USP15: variants seen among roughly 807,000 people sequenced by gnomAD.
USP15 encodes ubiquitin specific peptidase 15.
Under a neutral mutation model 127.1 loss-of-function variants are expected in USP15, and 18 were observed. That is an observed-to-expected ratio of 0.14 (90% confidence interval 0.10 to 0.21). USP15 has a LOEUF of 0.21. Ranked by LOEUF, USP15 falls within the 10% of genes least tolerant of loss-of-function variation. USP15 has a pLI of 1.00. For synonymous variants in USP15, 364 were observed against 393.7 expected (o/e 0.92, Z 0.89); for missense variants, 805 against 1,159.9 (o/e 0.69, Z 4.44).
chr12:62,306,849 A>G (rs1417542491), intron 3 of USP15, among the ~76,000 whole-genome samples: 1 of 152,154 alleles, frequency 6.6e-6, no homozygotes, highest in Non-Finnish European at 1.5e-5. Flanking sequence ...TTACCTCAGA[A>G]AAATCAAAGG....
intron 4 of USP15, among the ~76,000 whole-genome samples, chr12:62,317,697 T>C (rs2064871597): frequency 6.6e-6 from 1 of 152,172 alleles, no homozygotes; most frequent in Non-Finnish European, 1.5e-5. Flanking sequence ...ATTTAGGAAA[T>C]ATAAGTGTCT....
intron 8 of USP15, among the ~76,000 whole-genome samples, chr12:62,366,755 A>G (rs570331334): frequency 6.6e-6 from 1 of 152,300 alleles, no homozygotes; most frequent in Admixed American, 6.5e-5. Flanking sequence ...AGTTTTTAGC[A>G]TGAAAGGGTG....
chr12:62,266,216 A>G (rs777461254), intron 1 of USP15, among the ~76,000 whole-genome samples: 27 of 152,190 alleles, frequency 1.8e-4, no homozygotes, highest in Non-Finnish European at 3.5e-4. Context: ...GCCCCTTCAC[A>G]TATAGTTTTA....
intron 11 of USP15, among the ~76,000 whole-genome samples, chr12:62,385,816 C>T (rs1263757125): frequency 1.3e-5 from 2 of 151,986 alleles, no homozygotes; most frequent in Admixed American, 1.3e-4. Context: ...TGCAGATATA[C>T]ACCAATGAGT....
At chr12:62,351,420 C>T (rs899390078) in intron 7 of USP15, among the ~76,000 whole-genome samples, 18 of 150,752 alleles carry the variant, frequency 1.2e-4, no homozygotes, top group African/African-American at 4.4e-4. Flanking sequence ...TTGCAGATGG[C>T]TCTCATACTT....
Position 62,355,495 on chromosome 12 carries a change from A to G in USP15, c.915+20A>G, listed in dbSNP as rs372057580. On this transcript the variant is annotated intron_variant, in intron 8 of 21. Coordinates refer to ENST00000280377, the MANE Select transcript of USP15 (RefSeq NM_001252078.2). ...ATTCAGGTAGGTCTTTGTAAACAAA[A>G]TGAAACTCATGTTTCATGGAAATCT... 2 of 1,569,918 alleles carry G rather than the reference A, an allele frequency of 1.3e-6. No individual in the cohort carries two copies. Among genetic ancestry groups the G allele is most frequent in the African/African-American group, 1.4e-5 (1 of 72,600 alleles).
chr12:62,348,525 A>G (rs1414690183), intron 6 of USP15, among the ~76,000 whole-genome samples: 2 of 152,214 alleles, frequency 1.3e-5, no homozygotes, highest in Non-Finnish European at 2.9e-5. Flanking sequence ...ACATGTTTAC[A>G]AAATTACAAG....
In USP15 at chr12:62,349,144, A is replaced by G. The variant is rs924848845; in HGVS notation, c.684-77A>G. The G allele has an allele frequency of 2.2e-5, 19 of 858,174 alleles. No homozygotes were observed. In the African/African-American group the frequency reaches 3.0e-4, roughly 13 times the overall value. 53.2% of individuals were successfully genotyped at this position (858,174 alleles called of 1,614,324 possible). A position where few individuals can be genotyped will look rare whatever the true frequency, so the allele number is the denominator to read the frequency against. On this transcript the variant is annotated intron_variant, in intron 6 of 21. Coordinates refer to ENST00000280377, the MANE Select transcript of USP15 (RefSeq NM_001252078.2). The stretch of plus-strand genomic sequence containing the variant: ...GCATTCATTTACTACAAACATTGTC[A>G]TCTGTTCTTTTATTTCATAATTAAT...
chr12:62,412,109 A>C lies in USP15; in HGVS notation c.*7734A>C, dbSNP rs2137716806. On this transcript the variant is annotated 3_prime_UTR_variant, in exon 22 of 22. Transcript: ENST00000280377. Reference sequence around the variant, plus strand: ...AAATATTTAAATAAAGTGAGTCACAAATTTTTTGGTTTCCCAGTGCATATA... The same window carrying C: ...AAATATTTAAATAAAGTGAGTCACACATTTTTTGGTTTCCCAGTGCATATA... 6.6e-6 allele frequency: 1 copy of C among 152,254 alleles called. No homozygotes were observed. Among genetic ancestry groups the C allele is most frequent in the South Asian group, 2.1e-4 (1 of 4,824 alleles). The allele number at this position is 152,254 out of a possible 1,614,324, so 9.4% of individuals were successfully genotyped here. A position where few individuals can be genotyped will look rare whatever the true frequency, so the allele number is the denominator to read the frequency against.
intron 8 of USP15, among the ~76,000 whole-genome samples, chr12:62,376,843 T>TA (rs1041214166): frequency 9.2e-5 from 14 of 152,270 alleles, no homozygotes; most frequent in African/African-American, 3.4e-4. Context: ...TAAAGTGTCT[T>TA]ACAGGATAAA....
intron 1 of USP15, among the ~76,000 whole-genome samples, chr12:62,271,552 T>C (rs1050533241): frequency 6.6e-5 from 10 of 152,060 alleles, no homozygotes; most frequent in Admixed American, 6.5e-4. Context: ...TTTTTCTTAG[T>C]TTTTTCTGTT....
At chr12:62,347,178 A>G (rs1308723921) in intron 6 of USP15, among the ~76,000 whole-genome samples, 2 of 152,090 alleles carry the variant, frequency 1.3e-5, no homozygotes, top group Non-Finnish European at 2.9e-5. Context: ...AATGAACTCC[A>G]TAAAAACTGA....
At position 62,393,968 on chromosome 12, in the gene USP15, T is replaced by TATTGC. The variant is rs2067402690; in HGVS notation, c.2570+770_2570+774dup. On this transcript the variant is annotated intron_variant, in intron 19 of 21. Coordinates refer to ENST00000280377, the MANE Select transcript of USP15 (RefSeq NM_001252078.2). ...ACACAGTAGTGAAATAAATCATCCCTATTGCATTATCCTTCAGTTTTCCTA... is the reference window on the plus strand; with the variant it reads ...ACACAGTAGTGAAATAAATCATCCCTATTGCATTGCATTATCCTTCAGTTTTCCTA... 3.9e-5 allele frequency: 6 copies of TATTGC among 152,232 alleles called. No homozygotes were observed. The South Asian group carries it at 1.2e-3, about 32-fold the overall frequency. 9.4% of individuals were successfully genotyped at this position (152,232 alleles called of 1,614,324 possible). A position where few individuals can be genotyped will look rare whatever the true frequency, so the allele number is the denominator to read the frequency against.
At chr12:62,349,397 G>A (rs2065906221) in intron 7 of USP15, 90 bp downstream of exon 7, 1 of 779,404 alleles carries the variant, frequency 1.3e-6, no homozygotes, top group East Asian at 3.3e-5. Context: ...TAGGATAAAA[G>A]TCTTAATGCA....
At position 62,403,427 on chromosome 12, in the gene USP15, C is replaced by T. The variant is rs186498576; in HGVS notation, c.2764-766C>T. ...GTTGATAGGAAAAGAAATAGTGAAGCATTAAATGCTACTGAGAGATTGACC... is the reference window on the plus strand; with the variant it reads ...GTTGATAGGAAAAGAAATAGTGAAGTATTAAATGCTACTGAGAGATTGACC... On this transcript the variant is annotated intron_variant, in intron 21 of 21. Coordinates refer to ENST00000280377, the MANE Select transcript of USP15 (RefSeq NM_001252078.2). Among the ~76,000 whole-genome samples the T allele has an allele frequency of 2.1e-4, 32 of 152,154 alleles. No homozygotes were observed. In the East Asian group the frequency reaches 5.6e-3, roughly 27 times the overall value.
At chr12:62,370,469 T>C (rs992846175) in intron 8 of USP15, among the ~76,000 whole-genome samples, 4 of 152,182 alleles carry the variant, frequency 2.6e-5, no homozygotes, top group African/African-American at 9.7e-5. Context: ...ACTGCCTGTA[T>C]TCAAATCCTA....
At chr12:62,382,917 G>C (rs1380102155) in intron 9 of USP15, among the ~76,000 whole-genome samples, 1 of 151,714 alleles carries the variant, frequency 6.6e-6, no homozygotes, top group East Asian at 1.9e-4. Context: ...GGAGGCAATA[G>C]GAATACCTAA....
At position 62,303,110 on chromosome 12, in the gene USP15, A is replaced by G. The variant is rs980220823; in HGVS notation, c.348+190A>G. 1.5e-5 allele frequency: 8 copies of G among 528,212 alleles called. No individual in the cohort carries two copies. The African/African-American group carries it at 1.5e-4, about 10-fold the overall frequency. 32.7% of individuals were successfully genotyped at this position (528,212 alleles called of 1,614,324 possible). On this transcript the variant is annotated intron_variant, in intron 3 of 21. Coordinates refer to ENST00000280377, the MANE Select transcript of USP15 (RefSeq NM_001252078.2). ...TTTACTTATGCTAGCCACTATTGTAAGTATGTATTATTGATTAATCCTCTA... is the reference window on the plus strand; with the variant it reads ...TTTACTTATGCTAGCCACTATTGTAGGTATGTATTATTGATTAATCCTCTA...
chr12:62,404,227 A>C lies in USP15; in HGVS notation c.2798A>C (p.Gln933Pro). ...KAAYVLFYQR[Q>P]DTFSGTGFFP... ...GCATATGTACTCTTCTACCAGAGAC[A>C]AGACACTTTCAGTGGAACTGGCTTT... Residue 933 changes from glutamine (Q) to proline (P), a missense_variant, in exon 22 of 22, where the codon CAA (glutamine) becomes CCA (proline). By Grantham distance (76) the Gln-to-Pro change is moderately conservative. Coordinates refer to ENST00000280377, the MANE Select transcript of USP15 (RefSeq NM_001252078.2). The C allele has an allele frequency of 1.9e-6, 3 of 1,613,232 alleles. No individual in the cohort carries two copies. Among genetic ancestry groups the C allele is most frequent in the Non-Finnish European group, 2.5e-6 (3 of 1,179,370 alleles).
Sources: allele counts gnomAD v4.1 joint callset (sites outside exome capture counted in the v4.1 genomes callset), GRCh38; gene constraint gnomAD v4.1.1; transcripts MANE v1.5; gene names NCBI Gene and HGNC (gene_info 2026-07-23, HGNC 2026-07-21).